PACRG: variants seen among roughly 807,000 people sequenced by gnomAD.
PACRG encodes parkin coregulated, also known as parkin coregulated gene protein.
A neutral mutation model predicts 29.7 loss-of-function variants in PACRG; 29 were observed. The ratio of observed to expected loss-of-function variants is 0.98; its 90% CI spans 0.73 to 1.33. The LOEUF is 1.33. Ranked by LOEUF, PACRG falls within the 40% of genes most tolerant of loss-of-function variation. PACRG has a pLI of 0.00. For synonymous variants in PACRG, 116 were observed against 118.7 expected (o/e 0.98, Z 0.15); for missense variants, 279 against 316.2 (o/e 0.88, Z 0.89).
chr6:162,893,126 T>C (rs192799150), intron 2 of PACRG, among the ~76,000 whole-genome samples: 2 of 152,218 alleles, frequency 1.3e-5, no homozygotes, highest in South Asian at 2.1e-4. Flanking sequence ...TTTCCTTTAC[T>C]GTCATCCCTG....
intron 2 of PACRG, among the ~76,000 whole-genome samples, chr6:163,043,752 G>T (rs763056302): frequency 2.0e-4 from 30 of 152,312 alleles, no homozygotes; most frequent in Non-Finnish European, 1.3e-4. Context: ...ATGTGTTTTG[G>T]CTATAGGTTT....
At chr6:163,063,922 A>G (rs1402013176) in intron 3 of PACRG, among the ~76,000 whole-genome samples, 2 of 152,166 alleles carry the variant, frequency 1.3e-5, no homozygotes, top group Non-Finnish European at 2.9e-5. Flanking sequence ...CTTCTCTCAG[A>G]TGGGTCACAT....
intron 2 of PACRG, among the ~76,000 whole-genome samples, chr6:162,871,223 A>G (rs979898133): frequency 3.3e-5 from 5 of 152,098 alleles, no homozygotes; most frequent in African/African-American, 1.2e-4. Context: ...TTTGTATTTT[A>G]TTTTTATTAA....
At position 162,816,715 on chromosome 6, in the gene PACRG, G is replaced by A. The variant is rs145772504; in HGVS notation, c.291+2434G>A. 3.3e-3 allele frequency among the ~76,000 whole-genome samples: 498 copies of A among 152,240 alleles called. 3 individuals are homozygous for A. Among genetic ancestry groups the A allele is most frequent in the African/African-American group, 0.011 (464 of 41,536 alleles). ...CTGTCCATAGTTTCATATTTATTTC[G>A]TGGCACATTTGATGAAAGGACAATC... On this transcript the variant is annotated intron_variant, in intron 2 of 4. Coordinates refer to ENST00000366888, the MANE Select transcript of PACRG (RefSeq NM_001080379.2).
intron 4 of PACRG, among the ~76,000 whole-genome samples, chr6:163,089,647 A>G (rs1282681906): frequency 6.6e-6 from 1 of 151,340 alleles, no homozygotes; most frequent in African/African-American, 2.4e-5. Context: ...GAAGTGCTGA[A>G]GCAGTTCTAT....
At chr6:163,313,440 A>G (rs1446390640) in intron 4 of PACRG, among the ~76,000 whole-genome samples, 4 of 152,166 alleles carry the variant, frequency 2.6e-5, no homozygotes, top group Non-Finnish European at 4.4e-5. Context: ...TTCTGGAAAA[A>G]TCAAGCAAAA....
intron 2 of PACRG, among the ~76,000 whole-genome samples, chr6:162,885,729 AGAGTTGACTTGCAT>A (rs1015598671): frequency 4.6e-5 from 7 of 152,178 alleles, no homozygotes; most frequent in Admixed American, 4.6e-4. Flanking sequence ...ACAAATAATG[AGAGTTGACTTGCAT>A]GTGTGTGTGT....
chr6:163,268,405 A>AAAAAAAAAAAAAAAAG (rs71008143), intron 4 of PACRG, among the ~76,000 whole-genome samples: 28,144 of 141,880 alleles, frequency 0.2, 3,064 homozygotes, highest in Admixed American at 0.27. Flanking sequence ...GTCTCAAAGA[A>AAAAAAAAAAAAAAAAG]AAAAAAAAAG....
At chr6:163,019,478 T>C (rs1806405707) in intron 2 of PACRG, among the ~76,000 whole-genome samples, 1 of 152,180 alleles carries the variant, frequency 6.6e-6, no homozygotes, top group African/African-American at 2.4e-5. Flanking sequence ...GAGAGATTTG[T>C]ACTAGAAGGG....
At chr6:163,140,905 G>A (rs531198016) in intron 4 of PACRG, among the ~76,000 whole-genome samples, 1 of 152,336 alleles carries the variant, frequency 6.6e-6, no homozygotes, top group Non-Finnish European at 1.5e-5. Context: ...AAGCTGCCCA[G>A]GGAGGATGGA....
intron 2 of PACRG, among the ~76,000 whole-genome samples, chr6:162,938,816 A>G (rs1335813809): frequency 6.6e-6 from 1 of 151,982 alleles, no homozygotes; most frequent in Non-Finnish European, 1.5e-5. Flanking sequence ...AGAATTGTCT[A>G]TTCATGTACT....
intron 2 of PACRG, among the ~76,000 whole-genome samples, chr6:162,943,402 A>G: frequency 6.6e-6 from 1 of 152,154 alleles, no homozygotes; most frequent in Non-Finnish European, 1.5e-5. Context: ...TTGTGCATTT[A>G]TAAGTGCCCT....
At chr6:163,039,920 G>A (rs1808530625) in intron 2 of PACRG, among the ~76,000 whole-genome samples, 1 of 152,236 alleles carries the variant, frequency 6.6e-6, no homozygotes, top group Non-Finnish European at 1.5e-5. Flanking sequence ...TTCTGGTGAG[G>A]AACTCAAGCT....
Position 163,031,680 on chromosome 6 carries a change from T to G in PACRG, c.292-30470T>G, listed in dbSNP as rs150038694. Among the ~76,000 whole-genome samples the G allele has an allele frequency of 2.9e-3, 438 of 152,348 alleles. 2 individuals carry two copies. Among genetic ancestry groups the G allele is most frequent in the Non-Finnish European group, 2.8e-3 (193 of 68,030 alleles). ...CTTTTTAAATTGGCTTTGATGGAAC[T>G]CTATTCCATAGAAGAAATCTTAGAT... is the stretch of plus-strand genomic sequence containing the variant. On this transcript the variant is annotated intron_variant, in intron 2 of 4. Coordinates refer to ENST00000366888, the MANE Select transcript of PACRG (RefSeq NM_001080379.2).
At chr6:163,069,488 G>C (rs1350097520) in intron 3 of PACRG, among the ~76,000 whole-genome samples, 1 of 152,032 alleles carries the variant, frequency 6.6e-6, no homozygotes, top group African/African-American at 2.4e-5. Context: ...CAGAAATTTT[G>C]GAGTTGAAAA....
intron 2 of PACRG, among the ~76,000 whole-genome samples, chr6:162,951,617 G>A (rs1332690850): frequency 6.6e-6 from 1 of 152,196 alleles, no homozygotes; most frequent in Non-Finnish European, 1.5e-5. Flanking sequence ...AGCTATTGCT[G>A]CCTGTTTCTG....
chr6:162,927,258 C>T (rs900125239), intron 2 of PACRG, among the ~76,000 whole-genome samples: 20 of 151,906 alleles, frequency 1.3e-4, no homozygotes, highest in Admixed American at 1.2e-3. Context: ...TCCTCAAGGA[C>T]CTAGAACCAG....
intron 4 of PACRG, among the ~76,000 whole-genome samples, chr6:163,166,455 C>T (rs948377961): frequency 6.6e-6 from 1 of 152,170 alleles, no homozygotes; most frequent in Non-Finnish European, 1.5e-5. Context: ...ATACATAAAC[C>T]AAATTGACTG....
chr6:163,075,583 A>G (rs996224389), intron 3 of PACRG, among the ~76,000 whole-genome samples: 1 of 152,234 alleles, frequency 6.6e-6, no homozygotes, highest in Non-Finnish European at 1.5e-5. Flanking sequence ...TTTCAGGAGT[A>G]TAAGACTGGC....
Sources: allele counts gnomAD v4.1 joint callset (sites outside exome capture counted in the v4.1 genomes callset), GRCh38; gene constraint gnomAD v4.1.1; transcripts MANE v1.5; gene names NCBI Gene and HGNC (gene_info 2026-07-23, HGNC 2026-07-21).